U2SURP: variants seen among roughly 807,000 people sequenced by gnomAD.
U2SURP encodes U2 snRNP associated SURP domain containing, also known as U2 snRNP-associated SURP motif-containing protein.
A neutral mutation model predicts 144.9 loss-of-function variants in U2SURP; 9 were observed. The observed-to-expected ratio is 0.06, with a 90% CI of 0.04 to 0.11. The LOEUF (loss-of-function observed/expected upper bound fraction) is 0.11, where lower values mean the gene tolerates loss of function less well. U2SURP is among the 10% of genes least tolerant of loss of function. U2SURP has a pLI of 1.00. For missense variants in U2SURP, 724 were observed against 1,226.7 expected (o/e 0.59, Z 6.12); for synonymous variants, 408 against 396.8 (o/e 1.03, Z -0.33).
chr3:143,046,297 A>ATTTTTTTTTTTTTTT (rs11400849), intron 24 of U2SURP, among the ~76,000 whole-genome samples: 5 of 106,372 alleles, frequency 4.7e-5, no homozygotes, highest in South Asian at 2.9e-4. Context: ...TTTATTTTTT[A>ATTTTTTTTTTTTTTT]TTTTTTTTTA....
In U2SURP at chr3:143,023,992, A is replaced by G; in HGVS notation, c.1248A>G (p.Ile416Met). The G allele has an allele frequency of 6.2e-7, 1 of 1,613,162 alleles. No individual in the cohort carries two copies. Among genetic ancestry groups the G allele is most frequent in the Non-Finnish European group, 8.5e-7 (1 of 1,179,316 alleles). ...ATATACAGACTCTGTCGCAAGCCAT[A>G]GTCAAAGTGGTTATCCCAACAGAAA... ...EDFEKTLSQA[I>M]VKVVIPTERN... The change falls in exon 13 of 28, where the codon ATA becomes ATG. Residue 416 changes from isoleucine to methionine, a missense_variant. Physicochemically the swap from Ile to Met is conservative, Grantham distance 10. Transcript: ENST00000473835.
chr3:143,053,933 C>A, intron 26 of U2SURP, 139 bp downstream of exon 26: 2 of 682,736 alleles, frequency 2.9e-6, no homozygotes, highest in Non-Finnish European at 4.7e-6. Flanking sequence ...TTGCAGAAGG[C>A]AGAAATAGCG....
Position 143,036,079 on chromosome 3 carries a change from ATAT to A in U2SURP, c.2044_2046del (p.Ile682del), listed in dbSNP as rs1560194828. The A allele has an allele frequency of 6.2e-7, 1 of 1,607,044 alleles. No individual in the cohort carries two copies. The highest frequency in any genetic ancestry group is 8.5e-7 in the Non-Finnish European group (1 of 1,177,872). ...CAAAATATTTTCTTAGGACTTGTAA[ATAT>A]TATTGAAGAAAAGGAAACAGAGGTA... is the stretch of plus-strand genomic sequence containing the variant. On this transcript the variant is annotated inframe_deletion, in exon 20 of 28. Transcript: ENST00000473835.
At chr3:143,022,397 C>A in intron 10 of U2SURP, 100 bp from the exon 11 acceptor site, 2 of 1,156,708 alleles carry the variant, frequency 1.7e-6, no homozygotes, top group Non-Finnish European at 2.3e-6. Context: ...AAGCACGTTG[C>A]TATGTTGCTT....
intron 8 of U2SURP, 122 bp from the exon 9 acceptor site, chr3:143,021,228 G>A (rs1560183785): frequency 9.6e-7 from 1 of 1,047,080 alleles, no homozygotes; most frequent in Non-Finnish European, 1.4e-6. Flanking sequence ...TGTGTGAAGT[G>A]GTCTCTCTTT....
At chr3:143,007,975 A>G (rs1935931526) in intron 1 of U2SURP, among the ~76,000 whole-genome samples, 1 of 152,200 alleles carries the variant, frequency 6.6e-6, no homozygotes, top group African/African-American at 2.4e-5. Context: ...GCTGAATGCT[A>G]TGTAGCTGTA....
At chr3:143,012,496 G>A in intron 3 of U2SURP, 143 bp downstream of exon 3, 1 of 752,766 alleles carries the variant, frequency 1.3e-6, no homozygotes, top group Non-Finnish European at 1.9e-6. Context: ...TTTTGTATTT[G>A]GGATAACAGT....
intron 4 of U2SURP, among the ~76,000 whole-genome samples, 178 bp downstream of exon 4, chr3:143,014,587 T>C (rs2108275492): frequency 6.6e-6 from 1 of 152,164 alleles, no homozygotes; most frequent in Middle Eastern, 3.4e-3. Flanking sequence ...CTATCCTTGT[T>C]CCCTCACCCT....
chr3:143,040,539 T>C (rs934565806), intron 23 of U2SURP, among the ~76,000 whole-genome samples: 2 of 151,970 alleles, frequency 1.3e-5, no homozygotes, highest in East Asian at 1.9e-4. Context: ...AATATTGTGA[T>C]TCGTGGCAGA....
intron 24 of U2SURP, among the ~76,000 whole-genome samples, chr3:143,045,348 G>A (rs1226144430): frequency 2.2e-5 from 3 of 137,460 alleles, no homozygotes; most frequent in Admixed American, 1.6e-4. Flanking sequence ...CAGCCTGGGC[G>A]ACAGAGTGAG....
chr3:143,036,843 G>A (rs1177556588), intron 20 of U2SURP: 6 of 261,034 alleles, frequency 2.3e-5, no homozygotes, highest in African/African-American at 1.3e-4. Flanking sequence ...TTACAGATAA[G>A]TATATATTGT....
intron 24 of U2SURP, among the ~76,000 whole-genome samples, chr3:143,046,297 A>ATTTTTTTTTTTTTTTTTT (rs11400849): frequency 9.4e-6 from 1 of 106,394 alleles, no homozygotes; most frequent in South Asian, 2.9e-4. Flanking sequence ...TTTATTTTTT[A>ATTTTTTTTTTTTTTTTTT]TTTTTTTTTA....
intron 1 of U2SURP, among the ~76,000 whole-genome samples, chr3:143,007,689 C>T (rs369928306): frequency 5.8e-4 from 88 of 152,198 alleles, no homozygotes; most frequent in African/African-American, 2.0e-3. Context: ...GTGATCCGCC[C>T]GCCTTGGCCT....
intron 18 of U2SURP, among the ~76,000 whole-genome samples, chr3:143,034,056 T>C (rs1320732800): frequency 6.6e-6 from 1 of 152,192 alleles, no homozygotes; most frequent in Non-Finnish European, 1.5e-5. Context: ...TTGATTTTAG[T>C]TCATTGTAAA....
In U2SURP at chr3:143,059,569, T is replaced by C. The variant is rs1318478736; in HGVS notation, c.*3119T>C. On this transcript the variant is annotated 3_prime_UTR_variant, in exon 28 of 28. Transcript: ENST00000473835. ...AATAGTTTATCATCATCATTATTGT[T>C]ATTCAAAATAAGGGTAAATAAATCT... 2 of 151,982 alleles carry C rather than the reference T, an allele frequency of 1.3e-5. No homozygotes were observed. The highest frequency in any genetic ancestry group is 6.6e-5 in the Admixed American group (1 of 15,250). The allele number at this position is 151,982 out of a possible 1,614,324, so 9.4% of individuals were successfully genotyped here.
chr3:143,047,249 G>A (rs1272482), intron 24 of U2SURP, among the ~76,000 whole-genome samples: 1 of 79,668 alleles, frequency 1.3e-5, no homozygotes, highest in Non-Finnish European at 2.3e-5. Context: ...CCTCCCGGAC[G>A]GGGCGGCCGG....
At chr3:143,045,133 G>T (rs919531740) in intron 24 of U2SURP, among the ~76,000 whole-genome samples, 5 of 152,096 alleles carry the variant, frequency 3.3e-5, no homozygotes, top group Non-Finnish European at 5.9e-5. Flanking sequence ...CACTTTGGGA[G>T]GTCGAGGCGG....
chr3:143,032,760 T>C, intron 16 of U2SURP, 24 bp from the exon 17 acceptor site: 1 of 1,586,626 alleles, frequency 6.3e-7, no homozygotes, highest in Non-Finnish European at 8.6e-7. Flanking sequence ...TAAATATTTA[T>C]AAGTTAAAAC....
intron 4 of U2SURP, 42 bp from the exon 5 acceptor site, chr3:143,016,215 A>C (rs777446245): frequency 6.3e-7 from 1 of 1,575,420 alleles, no homozygotes; most frequent in Non-Finnish European, 8.7e-7. Flanking sequence ...TACATTAACA[A>C]TTTTTGTATT....
Sources: gnomAD v4.1 joint callset for allele counts (sites outside exome capture counted in the v4.1 genomes callset) on GRCh38, gnomAD v4.1.1 for gene constraint, MANE v1.5 for transcripts, NCBI Gene and HGNC (gene_info 2026-07-23, HGNC 2026-07-21) for gene names.